The following KCNK2 variants were observed in gnomAD, a reference collection of about 807,000 sequenced individuals.
KCNK2 encodes potassium channel subfamily K member 2.
Under a neutral mutation model 40.5 loss-of-function variants are expected in KCNK2, and 21 were observed. The ratio of observed to expected loss-of-function variants is 0.52; its 90% CI spans 0.37 to 0.75. The LOEUF (loss-of-function observed/expected upper bound fraction) is 0.75. Ranked by LOEUF, KCNK2 falls within the 30% of genes least tolerant of loss-of-function variation. KCNK2 has a pLI of 0.00. For missense variants in KCNK2, 399 were observed against 531.6 expected, an observed-to-expected ratio of 0.75 and a Z score of 2.45; for synonymous variants, 191 against 202.2, an observed-to-expected ratio of 0.94 and a Z score of 0.47.
chr1:215,118,862 C>G (rs908296560), intron 2 of KCNK2, among the ~76,000 whole-genome samples: 1 of 152,046 alleles, frequency 6.6e-6, no homozygotes, highest in Non-Finnish European at 1.5e-5. Context: ...TAAAAGTGTT[C>G]AAATTATTAA....
intron 6 of KCNK2, 73 bp downstream of exon 6, chr1:215,195,165 G>T: frequency 2.5e-6 from 3 of 1,182,178 alleles, no homozygotes; most frequent in South Asian, 3.4e-5. Context: ...TTATTTTTAT[G>T]TTTACATTTA....
intron 6 of KCNK2, among the ~76,000 whole-genome samples, chr1:215,207,940 T>A (rs563339940): frequency 6.6e-6 from 1 of 152,320 alleles, no homozygotes; most frequent in East Asian, 1.9e-4. Context: ...ATTTGTTTAA[T>A]CATTGTGGAA....
intron 6 of KCNK2, among the ~76,000 whole-genome samples, chr1:215,209,456 T>A (rs1429846540): frequency 4.3e-5 from 1 of 23,436 alleles, no homozygotes; most frequent in Non-Finnish European, 7.3e-5. Context: ...ATATATATTA[T>A]ATATTATATA....
chr1:215,035,006 A>G (rs1246507001), intron 1 of KCNK2, among the ~76,000 whole-genome samples: 5 of 152,020 alleles, frequency 3.3e-5, no homozygotes, highest in African/African-American at 9.7e-5. Context: ...CATTACCTAC[A>G]ATTTATTTAC....
intron 5 of KCNK2, among the ~76,000 whole-genome samples, chr1:215,180,322 T>C (rs1199464199): frequency 2.0e-5 from 3 of 152,174 alleles, no homozygotes; most frequent in Admixed American, 2.0e-4. Flanking sequence ...CTTGTCCCTC[T>C]GTGCCTTTTA....
At chr1:215,021,185 A>G (rs1162764549) in intron 1 of KCNK2, among the ~76,000 whole-genome samples, 1 of 152,182 alleles carries the variant, frequency 6.6e-6, no homozygotes, top group Non-Finnish European at 1.5e-5. Flanking sequence ...TCAGCTTACC[A>G]ACGGAACGGT....
intron 6 of KCNK2, among the ~76,000 whole-genome samples, chr1:215,225,995 T>C (rs1666370711): frequency 6.6e-6 from 1 of 152,226 alleles, no homozygotes; most frequent in South Asian, 2.1e-4. Context: ...ACTTTTATCC[T>C]TCTTAGGCCA....
intron 3 of KCNK2, among the ~76,000 whole-genome samples, chr1:215,139,068 TA>T (rs1277129700): frequency 6.6e-6 from 1 of 152,202 alleles, no homozygotes; most frequent in Non-Finnish European, 1.5e-5. Context: ...ATGCTTTTAT[TA>T]AAAATTAATA....
At chr1:215,011,316 AG>A (rs1217157084) in intron 1 of KCNK2, among the ~76,000 whole-genome samples, 1 of 152,146 alleles carries the variant, frequency 6.6e-6, no homozygotes, top group African/African-American at 2.4e-5. Context: ...TTGTTGAGAC[AG>A]GGTCTCACAC....
chr1:215,191,844 T>C (rs1664680365), intron 5 of KCNK2, among the ~76,000 whole-genome samples: 1 of 152,010 alleles, frequency 6.6e-6, no homozygotes, highest in South Asian at 2.1e-4. Flanking sequence ...GTGGGGAACC[T>C]AGGAGGGGAG....
At chr1:215,141,071 C>A (rs1662152169) in intron 3 of KCNK2, among the ~76,000 whole-genome samples, 1 of 152,062 alleles carries the variant, frequency 6.6e-6, no homozygotes, top group South Asian at 2.1e-4. Context: ...GGGTTAGGAT[C>A]ATCAATATCA....
chr1:215,080,675 A>T (rs555129720), upstream of KCNK2, among the ~76,000 whole-genome samples: 1 of 152,198 alleles, frequency 6.6e-6, no homozygotes, highest in Admixed American at 6.5e-5. Context: ...AAGAAGCAAA[A>T]CATCATGTGA....
At chr1:215,126,914 C>T (rs953756506) in intron 3 of KCNK2, among the ~76,000 whole-genome samples, 22 of 152,200 alleles carry the variant, frequency 1.4e-4, no homozygotes, top group African/African-American at 4.3e-4. Context: ...AACACCATGT[C>T]CTCTAATCTT....
At chr1:215,165,278 T>C (rs553086370) in intron 3 of KCNK2, among the ~76,000 whole-genome samples, 66 of 152,274 alleles carry the variant, frequency 4.3e-4, no homozygotes, top group Admixed American at 2.9e-3. Flanking sequence ...CTAGCCTGCA[T>C]CTTTCTACTC....
At position 215,112,876 on chromosome 1, in the gene KCNK2, T is replaced by G. The variant is rs575334034; in HGVS notation, c.358-11757T>G. Among the ~76,000 whole-genome samples the G allele has an allele frequency of 4.6e-5, 7 of 152,232 alleles. No individual in the cohort carries two copies. The South Asian group carries it at 1.2e-3, about 27-fold the overall frequency. On this transcript the variant is annotated intron_variant, in intron 2 of 6. Transcript: ENST00000444842. ...GTTTGTGGAAGTACTCTCTATGATG[T>G]TCACAAAATGATGAAATTGCCTAAC...
intron 1 of KCNK2, among the ~76,000 whole-genome samples, chr1:215,007,209 A>ATGTGTGTGTG (rs1656209030): frequency 1.2e-5 from 1 of 85,240 alleles, no homozygotes; most frequent in Admixed American, 1.5e-4. Flanking sequence ...ATATATATAT[A>ATGTGTGTGTG]TATATATATA....
intron 3 of KCNK2, among the ~76,000 whole-genome samples, chr1:215,165,757 T>C (rs1663415470): frequency 6.6e-6 from 1 of 152,084 alleles, no homozygotes; most frequent in Non-Finnish European, 1.5e-5. Flanking sequence ...ACTGCTAAAC[T>C]GTTACTAGGT....
At chr1:215,067,854 G>A (rs959483403) in intron 1 of KCNK2, among the ~76,000 whole-genome samples, 31 of 152,010 alleles carry the variant, frequency 2.0e-4, no homozygotes, top group African/African-American at 6.8e-4. Context: ...GTGACAGAGT[G>A]AGACTCCATC....
chr1:215,049,817 G>A (rs1265844812), intron 1 of KCNK2, among the ~76,000 whole-genome samples: 1 of 152,072 alleles, frequency 6.6e-6, no homozygotes, highest in Non-Finnish European at 1.5e-5. Context: ...GGGGCTATTT[G>A]TGTGGATTTA....
Sources: allele counts gnomAD v4.1 joint callset (sites outside exome capture counted in the v4.1 genomes callset), GRCh38; gene constraint gnomAD v4.1.1; transcripts MANE v1.5; gene names NCBI Gene and HGNC (gene_info 2026-07-23, HGNC 2026-07-21).